NLRP5: variants seen among roughly 807,000 people sequenced by gnomAD.
NLRP5 encodes the protein NLR family pyrin domain containing 5.
A neutral mutation model predicts 113.1 loss-of-function variants in NLRP5; 93 were observed. The observed-to-expected ratio is 0.82, with a 90% CI of 0.70 to 0.98. The LOEUF (loss-of-function observed/expected upper bound fraction) is 0.98. NLRP5 is among the 50% of genes least tolerant of loss of function. The pLI, the probability that NLRP5 is intolerant of heterozygous loss-of-function variation, is 0.00. For synonymous variants in NLRP5, 751 were observed against 600.7 expected (o/e 1.25, Z -3.66); for missense variants, 1,808 against 1,514.3 (o/e 1.19, Z -3.22).
At chr19:56,046,909 C>T (rs530689752) in intron 11 of NLRP5, among the ~76,000 whole-genome samples, 6 of 152,116 alleles carry the variant, frequency 3.9e-5, no homozygotes, top group Non-Finnish European at 8.8e-5. Flanking sequence ...TTTAAATTAC[C>T]ATTTCAATCT....
rs1214035785 is a variant in NLRP5 at position 56,036,993 on chromosome 19, C to T, written c.2616-1032C>T. Among the ~76,000 whole-genome samples the T allele has an allele frequency of 2.0e-5, 3 of 152,170 alleles. No individual in the cohort carries two copies. The East Asian group carries it at 5.8e-4, about 29-fold the overall frequency. On this transcript the variant is annotated intron_variant, in intron 9 of 14. Coordinates refer to ENST00000390649, the MANE Select transcript of NLRP5 (RefSeq NM_153447.4). ...AATAAAATAAACCTGCTTCCTTCAT[C>T]TCTGCCCTAGCCAGGTACTGGCCTA... is the stretch of plus-strand genomic sequence containing the variant.
intron 9 of NLRP5, among the ~76,000 whole-genome samples, chr19:56,036,015 C>T (rs887589321): frequency 1.4e-5 from 2 of 148,020 alleles, no homozygotes; most frequent in African/African-American, 5.0e-5. Context: ...GCATGTAGTA[C>T]TACGACATGT....
intron 7 of NLRP5, 85 bp downstream of exon 7, chr19:56,028,594 T>C: frequency 7.8e-7 from 1 of 1,290,066 alleles, no homozygotes; most frequent in Non-Finnish European, 1.1e-6. Flanking sequence ...TTCCAGGAAC[T>C]TCAAGGTCCC....
intron 10 of NLRP5, 94 bp from the exon 11 acceptor site, chr19:56,040,821 ACTATGGG>A (rs1157716860): frequency 1.0e-6 from 1 of 993,110 alleles, no homozygotes; most frequent in Non-Finnish European, 1.5e-6. Context: ...GGACATGCCA[ACTATGGG>A]GGTGATACGT....
In NLRP5 at chr19:56,041,100, T is replaced by C; in HGVS notation, c.2957+8T>C. The C allele has an allele frequency of 6.2e-7, 1 of 1,613,404 alleles. No homozygotes were observed. The highest frequency in any genetic ancestry group is 8.5e-7 in the Non-Finnish European group (1 of 1,179,484). ...TAGTCTGCAGAGGCTGATGTGAGTC[T>C]GGCTTGCTCCCCTGCAAGGACTTCC... On this transcript the variant is annotated splice_region_variant and intron_variant, in intron 11 of 14. Coordinates refer to ENST00000390649, the MANE Select transcript of NLRP5 (RefSeq NM_153447.4).
At position 56,038,094 on chromosome 19, in the gene NLRP5, C is replaced by A. The variant is rs1315187774; in HGVS notation, c.2685C>A (p.Ser895Arg). 3 of 1,613,918 alleles carry A rather than the reference C, an allele frequency of 1.9e-6. No homozygotes were observed. Among genetic ancestry groups the A allele is most frequent in the Non-Finnish European group, 2.5e-6 (3 of 1,179,808 alleles). ...CCCAAATCCTTACGACCTCCCCCAG[C>A]CTGAAATCTCTGAGCCTGGCAGGAA... The change falls in exon 10 of 15, where the codon AGC (serine) becomes AGA (arginine). Residue 895 changes from serine (S) to arginine (R), a missense_variant. Coordinates refer to ENST00000390649, the MANE Select transcript of NLRP5 (RefSeq NM_153447.4).
At chr19:56,008,205 G>A (rs1231072677) in intron 2 of NLRP5, among the ~76,000 whole-genome samples, 1 of 152,014 alleles carries the variant, frequency 6.6e-6, no homozygotes, top group Non-Finnish European at 1.5e-5. Context: ...TGGGATTACA[G>A]GCGTGAGCCA....
chr19:56,032,492 C>T, intron 7 of NLRP5, 119 bp from the exon 8 acceptor site: 1 of 793,788 alleles, frequency 1.3e-6, no homozygotes, highest in Non-Finnish European at 2.0e-6. Context: ...TGCCTCAGGG[C>T]CTCTAAAGCC....
intron 7 of NLRP5, among the ~76,000 whole-genome samples, chr19:56,030,791 T>C (rs1983076077): frequency 1.4e-5 from 2 of 138,120 alleles, no homozygotes; most frequent in African/African-American, 2.7e-5. Context: ...CTCAGCTCAC[T>C]GCAACCTCCA....
intron 11 of NLRP5, among the ~76,000 whole-genome samples, chr19:56,050,153 G>A (rs570926083): frequency 3.3e-4 from 50 of 152,074 alleles, no homozygotes; most frequent in African/African-American, 1.1e-3. Flanking sequence ...GGTGGTGCAT[G>A]CCTGTAATCC....
In NLRP5 at chr19:56,027,696, G is replaced by T; in HGVS notation, c.1463G>T (p.Gly488Val). 6.2e-7 allele frequency: 1 copy of T among 1,613,490 alleles called. No homozygotes were observed. Among genetic ancestry groups the T allele is most frequent in the Admixed American group, 1.7e-5 (1 of 60,018 alleles). ...GCCCTGCAGCTGCAGGACGTGGTGGGGGAGAGCGTCGCCCCCTTCAACCAA... is the reference window on the plus strand; with the variant it reads ...GCCCTGCAGCTGCAGGACGTGGTGGTGGAGAGCGTCGCCCCCTTCAACCAA... The change falls in exon 7 of 15, where the codon GGG becomes GTG. Residue 488 changes from glycine (G) to valine (V), a missense_variant. Coordinates refer to ENST00000390649, the MANE Select transcript of NLRP5 (RefSeq NM_153447.4).
At chr19:56,043,626 C>T (rs1013856147) in intron 11 of NLRP5, among the ~76,000 whole-genome samples, 22 of 129,022 alleles carry the variant, frequency 1.7e-4, no homozygotes, top group Non-Finnish European at 2.2e-4. Flanking sequence ...AGTGCAGTGG[C>T]GTGATCTCCG....
chr19:56,054,581 AAAAC>A (rs1230645908), intron 13 of NLRP5, among the ~76,000 whole-genome samples: 2 of 149,442 alleles, frequency 1.3e-5, no homozygotes, highest in Non-Finnish European at 3.0e-5. Flanking sequence ...AAAAAAAAAA[AAAAC>A]GTGCTGATAC....
At chr19:56,022,023 G>A (rs1982634904) in intron 6 of NLRP5, among the ~76,000 whole-genome samples, 1 of 152,186 alleles carries the variant, frequency 6.6e-6, no homozygotes, top group Non-Finnish European at 1.5e-5. Flanking sequence ...TTGATCCTGT[G>A]TGAGCTACAT....
chr19:56,044,116 T>C (rs1203100594), intron 11 of NLRP5, among the ~76,000 whole-genome samples: 4 of 149,938 alleles, frequency 2.7e-5, no homozygotes, highest in Non-Finnish European at 4.4e-5. Context: ...CAGGCTGGAG[T>C]GCAGTGGCAC....
chr19:56,011,557 C>T (rs17608620), intron 3 of NLRP5, among the ~76,000 whole-genome samples: 51,402 of 151,850 alleles, frequency 0.34, 9,261 homozygotes, highest in Non-Finnish European at 0.4. Context: ...AAGTCAGCAT[C>T]GTACGTATGA....
In NLRP5 at chr19:56,028,445, G is replaced by C. The variant is rs369983829; in HGVS notation, c.2212G>C (p.Val738Leu). ...CTGTCCGTATTTGCGGAAAATTCGG[G>C]TGGATGTCAAAGGGATCTTCCCAAG... Residue 738 changes from valine (V) to leucine (L), a missense_variant, in exon 7 of 15, where the codon GTG (valine) becomes CTG (leucine). Transcript: ENST00000390649. 1.2e-6 allele frequency: 2 copies of C among 1,613,812 alleles called. No homozygotes were observed. Among genetic ancestry groups the C allele is most frequent in the African/African-American group, 2.7e-5 (2 of 74,928 alleles).
intron 7 of NLRP5, among the ~76,000 whole-genome samples, chr19:56,029,822 T>C (rs1411914131): frequency 1.3e-5 from 2 of 151,436 alleles, no homozygotes; most frequent in Non-Finnish European, 2.9e-5. Context: ...TTTGGGAGGC[T>C]GAGGTGGGTG....
In NLRP5 at chr19:56,038,122, A is replaced by C; in HGVS notation, c.2713A>C (p.Lys905Gln). Reference sequence around the variant, plus strand: ...GAAATCTCTGAGCCTGGCAGGAAACAAGGTGACAGACCAGGGAGTAATGCC... The same window carrying C: ...GAAATCTCTGAGCCTGGCAGGAAACCAGGTGACAGACCAGGGAGTAATGCC... Residue 905 changes from lysine (K) to glutamine (Q), a missense_variant, in exon 10 of 15, where the codon AAG (lysine) becomes CAG (glutamine). Lys to Gln is a moderately conservative substitution (Grantham distance 53). Coordinates refer to ENST00000390649, the MANE Select transcript of NLRP5 (RefSeq NM_153447.4). 1.9e-6 allele frequency: 3 copies of C among 1,614,014 alleles called. No homozygotes were observed. The highest frequency in any genetic ancestry group is 2.5e-6 in the Non-Finnish European group (3 of 1,179,878).
Sources: gnomAD v4.1 joint callset for allele counts (sites outside exome capture counted in the v4.1 genomes callset) on GRCh38, gnomAD v4.1.1 for gene constraint, MANE v1.5 for transcripts, NCBI Gene and HGNC (gene_info 2026-07-23, HGNC 2026-07-21) for gene names.